Variants in KIF24 observed in about 807,000 individuals in gnomAD.
KIF24 encodes kinesin family member 24.
KIF24 carries 81 observed loss-of-function variants against 118.9 expected under a neutral mutation model. That is an observed-to-expected ratio of 0.68 (90% CI 0.57 to 0.82). KIF24 has a LOEUF of 0.82. KIF24 is among the 40% of genes least tolerant of loss of function. KIF24 has a pLI of 0.00. For missense variants in KIF24, 1,560 were observed against 1,661.6 expected, an observed-to-expected ratio of 0.94 and a Z score of 1.06; for synonymous variants, 599 against 610.0, an observed-to-expected ratio of 0.98 and a Z score of 0.27.
At chr9:34,307,786 A>G (rs1161608236) in intron 2 of KIF24, among the ~76,000 whole-genome samples, 2 of 151,008 alleles carry the variant, frequency 1.3e-5, no homozygotes, top group Non-Finnish European at 2.9e-5. Flanking sequence ...GCTCACTTAA[A>G]CCCAGGAGGT....
intron 8 of KIF24, among the ~76,000 whole-genome samples, chr9:34,265,161 T>C (rs977535843): frequency 2.6e-5 from 4 of 152,204 alleles, no homozygotes; most frequent in Non-Finnish European, 5.9e-5. Context: ...CCACATAATT[T>C]TTTTTGCTTT....
In KIF24 at chr9:34,253,824, G is replaced by A. The variant is rs41314567; in HGVS notation, c.*556C>T. 3,229 of 152,294 alleles carry A rather than the reference G, an allele frequency of 0.021. 58 individuals are homozygous for A. The highest frequency in any genetic ancestry group is 0.032 in the Non-Finnish European group (2,165 of 68,060). 9.4% of individuals were successfully genotyped at this position (152,294 alleles called of 1,614,324 possible). ...TTATGCTATTTACATTTTCAAAAACGCCTCTAAATCCCCAAATCAATCTCC... is the reference window on the plus strand; with the variant it reads ...TTATGCTATTTACATTTTCAAAAACACCTCTAAATCCCCAAATCAATCTCC... On this transcript the variant is annotated 3_prime_UTR_variant, in exon 13 of 13. Transcript: ENST00000402558.
At chr9:34,292,800 C>T (rs115155933) in intron 4 of KIF24, among the ~76,000 whole-genome samples, 1 of 152,098 alleles carries the variant, frequency 6.6e-6, no homozygotes, top group East Asian at 1.9e-4. Context: ...AAATGAATTA[C>T]AGGAGAAAAA....
chr9:34,269,181 A>G (rs1835405344), intron 8 of KIF24, 76 bp downstream of exon 8: 5 of 790,366 alleles, frequency 6.3e-6, no homozygotes, highest in South Asian at 1.7e-5. Flanking sequence ...TCCATCCCAC[A>G]TTCATCCACT....
In KIF24 at chr9:34,318,268, C is replaced by T. The variant is rs142342414; in HGVS notation, c.-25-6897G>A. On this transcript the variant is annotated intron_variant, in intron 1 of 12. Transcript: ENST00000402558. This position sits in a 1 kb window ranked among gnomAD's most constrained non-coding sequence, Gnocchi z 4.9. The stretch of plus-strand genomic sequence containing the variant: ...GTTGTAAAAGTTACATAGAAATAGG[C>T]TATAGAAGAGTAGAATCGTGTCGCG... 409 of 546,186 alleles carry T rather than the reference C, an allele frequency of 7.5e-4. 2 individuals are homozygous for T. Among genetic ancestry groups the T allele is most frequent in the Non-Finnish European group, 1.0e-3 (317 of 302,660 alleles). The allele number at this position is 546,186 out of a possible 1,614,324, so 33.8% of individuals were successfully genotyped here.
At chr9:34,277,379 T>C (rs911279411) in intron 6 of KIF24, among the ~76,000 whole-genome samples, 2 of 152,178 alleles carry the variant, frequency 1.3e-5, no homozygotes, top group Admixed American at 1.3e-4. Context: ...AAGCCAGATA[T>C]CCTCTTCTAC....
chr9:34,325,145 C>T (rs1837634170), intron 1 of KIF24, among the ~76,000 whole-genome samples: 1 of 151,350 alleles, frequency 6.6e-6, no homozygotes, highest in African/African-American at 2.4e-5. Flanking sequence ...TAAGACCAGC[C>T]TGGGCAACAT....
intron 1 of KIF24, among the ~76,000 whole-genome samples, chr9:34,311,730 ATATATATACATATATACG>A: frequency 6.8e-6 from 1 of 147,260 alleles, no homozygotes; most frequent in African/African-American, 2.5e-5. Flanking sequence ...ATATACACGT[ATATATATACATATATACG>A]TATATATGTG....
rs763192977 is a variant in KIF24, at chr9:34,311,244, T to G, written c.103A>C (p.Ile35Leu). The G allele has an allele frequency of 2.5e-6, 4 of 1,612,814 alleles. No individual in the cohort carries two copies. The South Asian group carries it at 4.4e-5, about 18-fold the overall frequency. The change falls in exon 2 of 13, where the codon ATT (isoleucine) becomes CTT (leucine). Residue 35 changes from isoleucine to leucine, a missense_variant. Coordinates refer to ENST00000402558, the MANE Select transcript of KIF24 (RefSeq NM_194313.4). ...GLQKIDELAK[I>L]TMKDYSKLGV... ...AATTTGGAGTAGTCCTTCATTGTAA[T>G]CTTGGCTAATTCATCTATTTTCTGA... is the stretch of plus-strand genomic sequence containing the variant.
intron 6 of KIF24, among the ~76,000 whole-genome samples, chr9:34,278,781 T>C (rs1835745850): frequency 6.6e-6 from 1 of 152,168 alleles, no homozygotes; most frequent in Non-Finnish European, 1.5e-5. Flanking sequence ...AGAGAGAACA[T>C]ATTACGTGAA....
chr9:34,258,374 C>A (rs375696589), intron 10 of KIF24, among the ~76,000 whole-genome samples: 1 of 152,078 alleles, frequency 6.6e-6, no homozygotes, highest in Non-Finnish European at 1.5e-5. Flanking sequence ...GAGGCTGAGG[C>A]GGGGAATATT....
intron 2 of KIF24, among the ~76,000 whole-genome samples, chr9:34,307,882 A>G (rs2131806461): frequency 6.6e-6 from 1 of 152,156 alleles, no homozygotes; most frequent in South Asian, 2.1e-4. Context: ...AAAAAAAAGA[A>G]AAAAGAAAAA....
chr9:34,306,716 G>A (rs140449122), intron 2 of KIF24, among the ~76,000 whole-genome samples: 1,609 of 152,092 alleles, frequency 0.011, 32 homozygotes, highest in African/African-American at 0.037. Flanking sequence ...GCAGGAGAAT[G>A]GCGTGAACCC....
chr9:34,283,613 T>C (rs1477771785), intron 6 of KIF24, among the ~76,000 whole-genome samples: 1 of 151,920 alleles, frequency 6.6e-6, no homozygotes, highest in Admixed American at 6.6e-5. Flanking sequence ...ATGATGAAAC[T>C]GGGAAAACAA....
At position 34,255,129 on chromosome 9, in the gene KIF24, A is replaced by G; in HGVS notation, c.3909T>C (p.Asp1303=). 1 of 1,594,252 alleles carries G rather than the reference A, an allele frequency of 6.3e-7. No homozygotes were observed. The highest frequency in any genetic ancestry group is 2.3e-5 in the East Asian group (1 of 44,058). Residue 1303 remains aspartate (D), a synonymous_variant, in exon 12 of 13, where the codon GAT becomes GAC. Transcript: ENST00000402558. ...CCTTGAAGCCGAGCTCAGCCATTTC[A>G]TCCAGCTGTTCCTGGTGTGCTCGGA... ...VVIRAHQEQL[D]EMAELGFKEE... is the part of the protein sequence containing the mutation.
At chr9:34,306,781 G>A (rs1332512972) in intron 2 of KIF24, among the ~76,000 whole-genome samples, 1 of 151,364 alleles carries the variant, frequency 6.6e-6, no homozygotes, top group Non-Finnish European at 1.5e-5. Context: ...CAGCCTGGGC[G>A]ACAGAGCCAG....
Position 34,306,396 on chromosome 9 carries a change from T to C in KIF24, c.669A>G (p.Lys223=). ...GGCGTTTTCGAACACAAACTCTGAT[T>C]TTCTCCATCTCAGTCCAAGGATTCT... ...EKQNPWTEME[K]IRVCVRKRPL... Residue 223 remains lysine, a synonymous_variant, in exon 3 of 13, where the codon AAA becomes AAG. Coordinates refer to ENST00000402558, the MANE Select transcript of KIF24 (RefSeq NM_194313.4). The C allele has an allele frequency of 6.2e-7, 1 of 1,612,566 alleles. No individual in the cohort carries two copies. Among genetic ancestry groups the C allele is most frequent in the Non-Finnish European group, 8.5e-7 (1 of 1,179,302 alleles).
intron 6 of KIF24, among the ~76,000 whole-genome samples, chr9:34,277,947 TTAAC>T (rs1392260892): frequency 1.3e-5 from 2 of 152,162 alleles, no homozygotes; most frequent in African/African-American, 4.8e-5. Flanking sequence ...CGCAAGTCAC[TTAAC>T]TTTTAAGGGT....
At chr9:34,294,873 G>A (rs1286503347) in intron 4 of KIF24, among the ~76,000 whole-genome samples, 1 of 152,092 alleles carries the variant, frequency 6.6e-6, no homozygotes, top group Non-Finnish European at 1.5e-5. Context: ...ACTAAATAGG[G>A]ACACAAGAGA....
Sources: allele counts gnomAD v4.1 joint callset (sites outside exome capture counted in the v4.1 genomes callset), GRCh38; gene constraint gnomAD v4.1.1; non-coding constraint Gnocchi (gnomAD v3.1); transcripts MANE v1.5; gene names NCBI Gene and HGNC (gene_info 2026-07-23, HGNC 2026-07-21).